The following NUP62CL variants were observed in gnomAD, a reference collection of about 807,000 sequenced individuals.
NUP62CL encodes the protein nucleoporin 62 C-terminal like, also known as nucleoporin-62 C-terminal-like protein.
A neutral mutation model predicts 15.3 loss-of-function variants in NUP62CL; 13 were observed. The observed-to-expected ratio is 0.85, with a 90% confidence interval of 0.55 to 1.35. The LOEUF (loss-of-function observed/expected upper bound fraction) is 1.35. Ranked by LOEUF, NUP62CL falls within the 40% of genes most tolerant of loss-of-function variation. The probability of loss-of-function intolerance (pLI) is 0.00; values close to 1 mark genes in which losing one functional copy is unlikely to be tolerated. For synonymous variants in NUP62CL, 54 were observed against 49.2 expected (o/e 1.10, Z -0.41); for missense variants, 123 against 130.6 (o/e 0.94, Z 0.28).
intron 2 of NUP62CL, among the ~76,000 whole-genome samples, chrX:107,189,292 A>T (rs1927148685): frequency 9.0e-6 from 1 of 111,661 alleles, no homozygotes; most frequent in Non-Finnish European, 1.9e-5. Context: ...TAACCCAGAA[A>T]TTGCACTACT....
At chrX:107,182,570 A>C in intron 2 of NUP62CL, among the ~76,000 whole-genome samples, 1 of 92,996 alleles carries the variant, frequency 1.1e-5, no homozygotes, top group East Asian at 4.2e-4. Flanking sequence ...TTACACTACA[A>C]GATAGGGGGG....
At chrX:107,185,928 T>C (rs1311924452) in intron 2 of NUP62CL, among the ~76,000 whole-genome samples, 1 of 111,637 alleles carries the variant, frequency 9.0e-6, no homozygotes, top group African/African-American at 3.3e-5. Flanking sequence ...GGAGTAGATA[T>C]ATTATTATCA....
chrX:107,135,573 C>T (rs1022966321), intron 8 of NUP62CL, among the ~76,000 whole-genome samples: 58 of 111,465 alleles, frequency 5.2e-4, no homozygotes, highest in African/African-American at 1.5e-3. Flanking sequence ...GAAATGACCT[C>T]GAGTTTGGCT....
chrX:107,135,378 T>G (rs1302100228), intron 8 of NUP62CL, among the ~76,000 whole-genome samples: 1 of 112,113 alleles, frequency 8.9e-6, no homozygotes, highest in East Asian at 2.8e-4. Context: ...GCTCATCTTC[T>G]GTTCCTGCTA....
chrX:107,166,767 C>T (rs181499246), intron 4 of NUP62CL, among the ~76,000 whole-genome samples: 7 of 111,324 alleles, frequency 6.3e-5, no homozygotes, highest in East Asian at 5.7e-4. Flanking sequence ...TTGATGCACA[C>T]GACAACTTGG....
chrX:107,178,127 AAT>A (rs1403515971), intron 2 of NUP62CL, among the ~76,000 whole-genome samples: 1 of 111,961 alleles, frequency 8.9e-6, no homozygotes, highest in African/African-American at 3.2e-5. Context: ...ATTTATAAAA[AAT>A]ATATGATTCC....
Position 107,154,315 on chromosome X carries a change from C to T in NUP62CL, c.195-69G>A, listed in dbSNP as rs182428511. ...AAAAAGTGTGATCAGATTTTAAAAA[C>T]GAACACAGGAGGACTCTGAGAAGAA... is the stretch of plus-strand genomic sequence containing the variant. On this transcript the variant is annotated intron_variant, in intron 4 of 8. Coordinates refer to ENST00000372466, the MANE Select transcript of NUP62CL (RefSeq NM_017681.3). 261 of 905,809 alleles carry T rather than the reference C, an allele frequency of 2.9e-4. 1 individual carries two copies. The East Asian group carries it at 6.2e-3, about 21-fold the overall frequency. The allele number at this position is 905,809 out of a possible 1,213,427, so 74.6% of individuals were successfully genotyped here. A position where few individuals can be genotyped will look rare whatever the true frequency, so the allele number is the denominator to read the frequency against.
At chrX:107,167,325 AG>A (rs1427250581) in intron 4 of NUP62CL, among the ~76,000 whole-genome samples, 1 of 111,836 alleles carries the variant, frequency 8.9e-6, no homozygotes, top group African/African-American at 3.2e-5. Flanking sequence ...CCTACCTCAT[AG>A]GGTTACTGTG....
chrX:107,161,839 A>T (rs1926391654), intron 4 of NUP62CL, among the ~76,000 whole-genome samples: 1 of 106,117 alleles, frequency 9.4e-6, no homozygotes, highest in Admixed American at 1.0e-4. Flanking sequence ...ATGAAAAAAA[A>T]ATTACCTATC....
chrX:107,191,659 G>C (rs914960315), intron 2 of NUP62CL, among the ~76,000 whole-genome samples: 2 of 110,643 alleles, frequency 1.8e-5, no homozygotes, highest in Non-Finnish European at 3.8e-5. Flanking sequence ...AGTGAGCCAA[G>C]ATCACGCCAC....
chrX:107,197,699 T>G (rs2147818356), intron 1 of NUP62CL, among the ~76,000 whole-genome samples: 1 of 108,781 alleles, frequency 9.2e-6, no homozygotes, highest in East Asian at 2.9e-4. Context: ...CTACTAGAAA[T>G]GAGCAGAATG....
chrX:107,129,911 A>C (rs974066488), intron 8 of NUP62CL, among the ~76,000 whole-genome samples: 1 of 112,218 alleles, frequency 8.9e-6, no homozygotes, highest in Non-Finnish European at 1.9e-5. Context: ...TGCTATTTAC[A>C]AAGTACATAT....
intron 7 of NUP62CL, among the ~76,000 whole-genome samples, chrX:107,152,049 GATATAT>G (rs778670339): frequency 1.5e-4 from 6 of 41,124 alleles, no homozygotes; most frequent in South Asian, 1.2e-3. Flanking sequence ...TATATATTCA[GATATAT>G]ATATATATAT....
At chrX:107,152,949 G>T (rs1926082178) in intron 7 of NUP62CL, among the ~76,000 whole-genome samples, 1 of 111,900 alleles carries the variant, frequency 8.9e-6, no homozygotes, top group Non-Finnish European at 1.9e-5. Context: ...TAAACAAAAT[G>T]CTATAAAACA....
chrX:107,136,189 GA>G (rs950769138), intron 8 of NUP62CL, among the ~76,000 whole-genome samples: 1 of 107,349 alleles, frequency 9.3e-6, no homozygotes, highest in Non-Finnish European at 1.9e-5. Context: ...TAGCAAGACA[GA>G]AAAAAAAATA....
chrX:107,156,198 G>C (rs1328891103), intron 4 of NUP62CL, among the ~76,000 whole-genome samples: 1 of 111,902 alleles, frequency 8.9e-6, no homozygotes, highest in Non-Finnish European at 1.9e-5. Context: ...CAGCCAGGCT[G>C]GGGGAGGGGC....
chrX:107,165,121 A>C (rs948955088), intron 4 of NUP62CL, among the ~76,000 whole-genome samples: 7 of 109,607 alleles, frequency 6.4e-5, no homozygotes, highest in African/African-American at 2.0e-4. Context: ...ACAAACAAAC[A>C]AACAAAACAA....
intron 5 of NUP62CL, among the ~76,000 whole-genome samples, chrX:107,153,749 C>T (rs1602644392): frequency 1.8e-5 from 2 of 111,803 alleles, no homozygotes; most frequent in East Asian, 5.7e-4. Flanking sequence ...AGGAGGATCA[C>T]TTGAGCCTAG....
chrX:107,152,127 TATATTCAG>T (rs1384282244), intron 7 of NUP62CL, among the ~76,000 whole-genome samples: 4 of 40,695 alleles, frequency 9.8e-5, no homozygotes, highest in African/African-American at 4.7e-4. Context: ...GATATATATA[TATATTCAG>T]ATATATATAT....
Sources: gnomAD v4.1 joint callset for allele counts (sites outside exome capture counted in the v4.1 genomes callset) on GRCh38, gnomAD v4.1.1 for gene constraint, MANE v1.5 for transcripts, NCBI Gene and HGNC (gene_info 2026-07-23, HGNC 2026-07-21) for gene names.